GRM7: variants seen among roughly 807,000 people sequenced by gnomAD.
GRM7 encodes glutamate metabotropic receptor 7, also known as metabotropic glutamate receptor 7.
GRM7 carries 35 observed loss-of-function variants against 84.5 expected under a neutral mutation model. The observed-to-expected ratio is 0.41, with a 90% CI of 0.32 to 0.55. GRM7 has a LOEUF of 0.55. Among genes scored for constraint, GRM7 ranks in the 20% least tolerant of loss-of-function variants. The pLI, the probability that GRM7 is intolerant of heterozygous loss-of-function variation, is 0.19. For synonymous variants in GRM7, 487 were observed against 455.1 expected (o/e 1.07, Z -0.89); for missense variants, 1,003 against 1,194.6 (o/e 0.84, Z 2.36).
At chr3:7,520,376 C>T (rs961214870) in intron 7 of GRM7, 3 of 152,118 alleles carry the variant, frequency 2.0e-5, no homozygotes, top group Non-Finnish European at 2.9e-5. Context: ...GGTATGTATC[C>T]AGCTTAGGCA....
chr3:7,447,815 T>C (rs1697583059), intron 5 of GRM7, among the ~76,000 whole-genome samples: 2 of 152,012 alleles, frequency 1.3e-5, no homozygotes, highest in Admixed American at 6.5e-5. Context: ...TAGTTACATA[T>C]GTATACATGT....
chr3:7,128,946 A>G (rs1236621310), intron 1 of GRM7, among the ~76,000 whole-genome samples: 1 of 152,140 alleles, frequency 6.6e-6, no homozygotes, highest in Non-Finnish European at 1.5e-5. Flanking sequence ...TTGGGAGAAA[A>G]TGTTGCTTTC....
At chr3:7,632,266 G>T (rs983351385) in intron 8 of GRM7, among the ~76,000 whole-genome samples, 2 of 152,142 alleles carry the variant, frequency 1.3e-5, no homozygotes, top group African/African-American at 4.8e-5. Context: ...CATTTCCCCC[G>T]TGGTATAGAG....
intron 1 of GRM7, among the ~76,000 whole-genome samples, chr3:7,026,273 G>A (rs1206934511): frequency 1.3e-5 from 2 of 152,306 alleles, no homozygotes; most frequent in African/African-American, 4.8e-5. Flanking sequence ...CCAGCACCCT[G>A]TGGGCACTAG....
At chr3:7,598,949 C>T (rs753964856) in intron 8 of GRM7, among the ~76,000 whole-genome samples, 6 of 152,052 alleles carry the variant, frequency 3.9e-5, no homozygotes, top group Non-Finnish European at 7.4e-5. Context: ...GACCAAAGGG[C>T]AAGGATAAAG....
chr3:7,461,500 T>A (rs946617509), intron 6 of GRM7, 83 bp from the exon 7 acceptor site: 2 of 1,170,528 alleles, frequency 1.7e-6, no homozygotes, highest in African/African-American at 3.0e-5. Flanking sequence ...CCTCGTTAAG[T>A]CTCTAGCCTG....
intron 3 of GRM7, among the ~76,000 whole-genome samples, chr3:7,305,743 T>C (rs979696060): frequency 5.3e-5 from 8 of 152,078 alleles, no homozygotes; most frequent in Non-Finnish European, 8.8e-5. Flanking sequence ...CATTTAGCCA[T>C]GTAGCTCTGT....
intron 1 of GRM7, among the ~76,000 whole-genome samples, chr3:6,985,865 A>G (rs962331675): frequency 6.6e-6 from 1 of 152,234 alleles, no homozygotes; most frequent in African/African-American, 2.4e-5. Context: ...AATAATGTAC[A>G]AAAAGACCTT....
intron 1 of GRM7, among the ~76,000 whole-genome samples, chr3:7,005,766 T>C (rs1251986364): frequency 6.6e-6 from 1 of 152,224 alleles, no homozygotes; most frequent in Non-Finnish European, 1.5e-5. Context: ...CATCAAGTTA[T>C]TGGCTGGCAC....
chr3:7,213,953 G>C (rs1188021488), intron 2 of GRM7, among the ~76,000 whole-genome samples: 1 of 152,026 alleles, frequency 6.6e-6, no homozygotes, highest in Non-Finnish European at 1.5e-5. Flanking sequence ...GAACAGCAAA[G>C]GGCTTTATAT....
At chr3:6,883,281 T>C (rs1481286149) in intron 1 of GRM7, among the ~76,000 whole-genome samples, 1 of 152,058 alleles carries the variant, frequency 6.6e-6, no homozygotes, top group Non-Finnish European at 1.5e-5. Context: ...TTATAATGTT[T>C]ATTATTTTGT....
At chr3:7,666,782 T>C (rs866224084) in intron 8 of GRM7, among the ~76,000 whole-genome samples, 1 of 152,096 alleles carries the variant, frequency 6.6e-6, no homozygotes, top group Non-Finnish European at 1.5e-5. Context: ...ATATTATATA[T>C]TGCATTACTT....
rs542792632 is a variant in GRM7, at chr3:7,594,156, C to A, written c.2451+14799C>A. Among the ~76,000 whole-genome samples the A allele has an allele frequency of 8.5e-5, 13 of 152,240 alleles. No homozygotes were observed. The East Asian group carries it at 2.1e-3, about 25-fold the overall frequency. ...TGATGTGACTATTCCAAGTCTCATT[C>A]ACCTGTCCAGTGGCCATCTGAGATA... On this transcript the variant is annotated intron_variant, in intron 8 of 9. Coordinates refer to ENST00000357716, the MANE Select transcript of GRM7 (RefSeq NM_000844.4).
intron 3 of GRM7, among the ~76,000 whole-genome samples, chr3:7,306,099 G>C (rs1239958393): frequency 2.0e-5 from 3 of 152,066 alleles, no homozygotes; most frequent in Non-Finnish European, 4.4e-5. Context: ...ACCATCAGCA[G>C]TAAATGAGAG....
chr3:7,065,560 A>T (rs925814502), intron 1 of GRM7, among the ~76,000 whole-genome samples: 3 of 151,762 alleles, frequency 2.0e-5, no homozygotes, highest in Non-Finnish European at 2.9e-5. Context: ...TGCCTATTTT[A>T]ATACAAGTAC....
intron 8 of GRM7, among the ~76,000 whole-genome samples, chr3:7,670,016 A>G (rs756853000): frequency 3.3e-4 from 49 of 147,116 alleles, no homozygotes; most frequent in East Asian, 7.7e-4. Context: ...AGTCACCCCA[A>G]TGGGCAATTC....
chr3:7,330,061 C>G (rs1440177781), intron 4 of GRM7, among the ~76,000 whole-genome samples: 4 of 152,074 alleles, frequency 2.6e-5, no homozygotes, highest in Admixed American at 6.6e-5. Context: ...AGGTAATGTT[C>G]ATGTTACCCA....
At chr3:7,052,690 T>C (rs1056067479) in intron 1 of GRM7, among the ~76,000 whole-genome samples, 1 of 150,640 alleles carries the variant, frequency 6.6e-6, no homozygotes, top group Non-Finnish European at 1.5e-5. Flanking sequence ...TTGCTCTTGA[T>C]ATGTATGCAT....
Position 7,146,494 on chromosome 3 carries a change from G to A in GRM7, c.562G>A (p.Asp188Asn). The change falls in exon 2 of 10, where the codon GAT becomes AAT. Residue 188 changes from aspartate (D) to asparagine (N), a missense_variant. Around this residue, in one of 2 missense-constraint regions of GRM7, gnomAD observed 910 missense variants for 1,126.0 expected, o/e 0.81. Transcript: ENST00000357716. ...SYASTAPELSDDRRYDFFSRV... is the reference protein window; with the variant it reads ...SYASTAPELSNDRRYDFFSRV... ...TGCATCAACGGCACCCGAGCTAAGT[G>A]ATGACCGGCGCTATGACTTCTTCTC... The A allele has an allele frequency of 1.9e-6, 3 of 1,613,896 alleles. No individual in the cohort carries two copies. The highest frequency in any genetic ancestry group is 2.5e-6 in the Non-Finnish European group (3 of 1,179,950).
Sources: gnomAD v4.1 joint callset for allele counts (sites outside exome capture counted in the v4.1 genomes callset) on GRCh38, gnomAD v4.1.1 for gene constraint, gnomAD v4.1.1 regional missense constraint, MANE v1.5 for transcripts, NCBI Gene and HGNC (gene_info 2026-07-23, HGNC 2026-07-21) for gene names.